Variants in TCF12 observed in about 807,000 individuals in gnomAD.
The protein encoded by TCF12 is DNA-binding protein HTF4.
A neutral mutation model predicts 86.0 loss-of-function variants in TCF12; 45 were observed. The observed-to-expected ratio is 0.52, with a 90% CI of 0.41 to 0.67. The LOEUF (loss-of-function observed/expected upper bound fraction) is 0.67. Among genes scored for constraint, TCF12 ranks in the 30% least tolerant of loss-of-function variants. TCF12 has a pLI of 0.00. For missense variants in TCF12, 881 were observed against 859.9 expected (o/e 1.02, Z -0.31); for synonymous variants, 330 against 299.6 (o/e 1.10, Z -1.05).
intron 3 of TCF12, among the ~76,000 whole-genome samples, chr15:57,015,622 A>T (rs1479837514): frequency 6.6e-6 from 1 of 152,168 alleles, no homozygotes; most frequent in Non-Finnish European, 1.5e-5. Context: ...CACTGAGATT[A>T]TGGGTGCTGT....
At position 56,920,821 on chromosome 15, in the gene TCF12, A is replaced by G. The variant is rs60972002; in HGVS notation, c.76-205A>G. Among the ~76,000 whole-genome samples the G allele has an allele frequency of 0.034, 5,124 of 152,326 alleles. 327 individuals carry two copies. The highest frequency in any genetic ancestry group is 0.29 in the East Asian group (1,495 of 5,182). ...CTTCCATGTAAATGATCGGGTCTTC[A>G]GAACAAAATGTAACCATTATTTCCA... On this transcript the variant is annotated intron_variant, in intron 2 of 20. Transcript: ENST00000333725.
intron 3 of TCF12, among the ~76,000 whole-genome samples, chr15:57,055,182 A>C (rs1404038337): frequency 6.6e-6 from 1 of 152,092 alleles, no homozygotes; most frequent in Non-Finnish European, 1.5e-5. Context: ...AGGCGAATCA[A>C]GCCGGGGTCA....
intron 3 of TCF12, among the ~76,000 whole-genome samples, chr15:57,027,451 G>A (rs1312435708): frequency 6.6e-6 from 1 of 152,094 alleles, no homozygotes; most frequent in Non-Finnish European, 1.5e-5. Context: ...TGCTGATTTG[G>A]CCATTCGTTC....
At chr15:57,000,859 GT>G (rs1402227112) in intron 3 of TCF12, among the ~76,000 whole-genome samples, 1 of 151,762 alleles carries the variant, frequency 6.6e-6, no homozygotes, top group Non-Finnish European at 1.5e-5. Flanking sequence ...CTTCATTTTA[GT>G]TTTTCACTGC....
At chr15:56,944,014 T>C (rs1279551179) in intron 3 of TCF12, among the ~76,000 whole-genome samples, 1 of 152,230 alleles carries the variant, frequency 6.6e-6, no homozygotes, top group African/African-American at 2.4e-5. Context: ...GTGTGTCTTT[T>C]ATTTCAAATT....
intron 3 of TCF12, among the ~76,000 whole-genome samples, chr15:56,981,704 G>A (rs1007619693): frequency 6.6e-6 from 1 of 152,052 alleles, no homozygotes; most frequent in Non-Finnish European, 1.5e-5. Flanking sequence ...GCCTTTTGTT[G>A]ACCAGAAGTC....
At chr15:57,099,250 C>T (rs1486862417) in intron 5 of TCF12, among the ~76,000 whole-genome samples, 4 of 152,048 alleles carry the variant, frequency 2.6e-5, no homozygotes, top group African/African-American at 9.7e-5. Flanking sequence ...CCAGAGATGA[C>T]CTGAAGGCTT....
intron 3 of TCF12, among the ~76,000 whole-genome samples, chr15:57,047,945 T>C (rs1479372894): frequency 1.3e-5 from 2 of 152,204 alleles, no homozygotes; most frequent in African/African-American, 4.8e-5. Flanking sequence ...CTGTACTGAA[T>C]ACAGTGGGCA....
At chr15:57,213,154 A>T (rs1264914567) in intron 8 of TCF12, among the ~76,000 whole-genome samples, 3 of 152,206 alleles carry the variant, frequency 2.0e-5, no homozygotes, top group Non-Finnish European at 4.4e-5. Context: ...TCTTTGTTGA[A>T]AATGTATGAC....
At chr15:57,023,683 T>G (rs2065636039) in intron 3 of TCF12, among the ~76,000 whole-genome samples, 1 of 152,122 alleles carries the variant, frequency 6.6e-6, no homozygotes, top group Admixed American at 6.5e-5. Context: ...TTGAATTAGG[T>G]GTAAATAAGA....
chr15:57,279,160 A>G lies in TCF12; in HGVS notation c.1979-3285A>G, dbSNP rs114760088. ...CAGGTGGGTACCAGCACACCTGGCT[A>G]ATTTTTAAATTTTTGTAGAGACAGG... On this transcript the variant is annotated intron_variant, in intron 19 of 20. Transcript: ENST00000333725. Among the ~76,000 whole-genome samples the G allele has an allele frequency of 4.8e-3, 727 of 151,898 alleles. 5 individuals are homozygous for G. Among genetic ancestry groups the G allele is most frequent in the African/African-American group, 0.017 (701 of 41,366 alleles).
intron 5 of TCF12, among the ~76,000 whole-genome samples, chr15:57,165,101 C>T (rs1567547174): frequency 6.6e-6 from 1 of 150,520 alleles, no homozygotes; most frequent in Non-Finnish European, 1.5e-5. Flanking sequence ...TACCAGTTTC[C>T]CTTCTTTGTG....
chr15:57,170,666 T>TA (rs2055285569), intron 6 of TCF12, among the ~76,000 whole-genome samples: 1 of 25,832 alleles, frequency 3.9e-5, no homozygotes, highest in Admixed American at 6.2e-4. Context: ...ATAAAATATA[T>TA]ATATATATAA....
chr15:57,152,843 C>T (rs558004438), intron 5 of TCF12, among the ~76,000 whole-genome samples: 14 of 151,252 alleles, frequency 9.3e-5, no homozygotes, highest in South Asian at 8.3e-4. Context: ...TAAGAAACAA[C>T]AAGAACTCCC....
At chr15:57,285,875 C>T (rs191602871) in intron 20 of TCF12, among the ~76,000 whole-genome samples, 1 of 152,268 alleles carries the variant, frequency 6.6e-6, no homozygotes, top group African/African-American at 2.4e-5. Flanking sequence ...CTGCGTTGAG[C>T]CATGATCATG....
At chr15:56,966,241 T>C (rs1158846313) in intron 3 of TCF12, among the ~76,000 whole-genome samples, 2 of 152,144 alleles carry the variant, frequency 1.3e-5, no homozygotes, top group African/African-American at 4.8e-5. Context: ...TAAGTTTTGC[T>C]ATTACTTTCA....
intron 12 of TCF12, among the ~76,000 whole-genome samples, chr15:57,235,150 A>G (rs1486169513): frequency 1.3e-5 from 2 of 152,376 alleles, no homozygotes; most frequent in Non-Finnish European, 2.9e-5. Flanking sequence ...AATGCAGCTC[A>G]GTGAATGTTT....
At chr15:57,204,622 G>A (rs1382838201) in intron 8 of TCF12, among the ~76,000 whole-genome samples, 1 of 152,040 alleles carries the variant, frequency 6.6e-6, no homozygotes, top group Non-Finnish European at 1.5e-5. Context: ...GAGACAATTG[G>A]AAATATCCTG....
At chr15:57,176,830 G>A (rs1162281818) in intron 6 of TCF12, among the ~76,000 whole-genome samples, 2 of 152,154 alleles carry the variant, frequency 1.3e-5, no homozygotes, top group Non-Finnish European at 2.9e-5. Context: ...GGGAATGATG[G>A]CACTATAAGA....
Sources: gnomAD v4.1 joint callset for allele counts (sites outside exome capture counted in the v4.1 genomes callset) on GRCh38, gnomAD v4.1.1 for gene constraint, MANE v1.5 for transcripts, NCBI Gene and HGNC (gene_info 2026-07-23, HGNC 2026-07-21) for gene names.